IFT140: variants seen among roughly 807,000 people sequenced by gnomAD.
IFT140 encodes intraflagellar transport protein 140 homolog.
In IFT140, 133 loss-of-function variants were observed where a neutral mutation model predicts 164.6. The observed-to-expected ratio is 0.81, with a 90% CI of 0.70 to 0.93. The LOEUF (loss-of-function observed/expected upper bound fraction) is 0.93, where lower values mean the gene tolerates loss of function less well. Among genes scored for constraint, IFT140 ranks in the 40% least tolerant of loss-of-function variants. IFT140 has a pLI of 0.00. For missense variants in IFT140, 2,045 were observed against 1,972.3 expected (o/e 1.04, Z -0.70); for synonymous variants, 860 against 817.3 (o/e 1.05, Z -0.89).
chr16:1,558,120 G>A lies in IFT140; in HGVS notation c.2214C>T (p.Asp738=), dbSNP rs141087126. The change falls in exon 19 of 31, where the codon GAC becomes GAT. Residue 738 remains aspartate, a synonymous_variant. Coordinates refer to ENST00000426508, the MANE Select transcript of IFT140 (RefSeq NM_014714.4). ...YYFTRKPEEA[D]REDEVEPGCH... is the part of the protein sequence containing the mutation. ...ACCCAGGCTCCACCTCGTCTTCTCT[G>A]TCTGCTTCTTCGGGCTAAATGACAA... is the stretch of plus-strand genomic sequence containing the variant. The A allele has an allele frequency of 4.3e-6, 7 of 1,614,022 alleles. No homozygotes were observed. In the African/African-American group the frequency reaches 9.3e-5, roughly 22 times the overall value.
Position 1,510,955 on chromosome 16 carries a change from C to T in IFT140, c.4378G>A (p.Asp1460Asn), listed in dbSNP as rs777181948. 5.4e-5 allele frequency: 87 copies of T among 1,611,610 alleles called. No individual in the cohort carries two copies. Among genetic ancestry groups the T allele is most frequent in the Admixed American group, 6.7e-5 (4 of 59,856 alleles). The part of the protein sequence containing the change: ...LDEEVVEEAD[D>N]DP ...GGGGCCCAGGCCCCTCAGGGGTCGT[C>T]ATCTGCCTCTTCCACCACCTCCTCG... The change falls in exon 31 of 31, where the codon GAC (aspartate) becomes AAC (asparagine). Residue 1460 changes from aspartate to asparagine, a missense_variant. Transcript: ENST00000426508.
chr16:1,570,641 A>G (rs1471088083), intron 14 of IFT140, among the ~76,000 whole-genome samples: 1 of 152,184 alleles, frequency 6.6e-6, no homozygotes, highest in East Asian at 1.9e-4. Flanking sequence ...TCACTCCCAG[A>G]GCCACTTAGG....
intron 13 of IFT140, among the ~76,000 whole-genome samples, chr16:1,575,491 T>A (rs1055267467): frequency 2.6e-5 from 4 of 151,394 alleles, no homozygotes; most frequent in Non-Finnish European, 5.9e-5. Flanking sequence ...AGGTCAAGAC[T>A]GCAGTGAGCT....
rs968971739 is a variant in IFT140 at position 1,531,351 on chromosome 16, G to A, written c.2400-4555C>T. 1.3e-5 allele frequency: 2 copies of A among 152,200 alleles called. No homozygotes were observed. Among genetic ancestry groups the A allele is most frequent in the African/African-American group, 4.8e-5 (2 of 41,394 alleles). 9.4% of individuals were successfully genotyped at this position (152,200 alleles called of 1,614,324 possible). A position where few individuals can be genotyped will look rare whatever the true frequency, so the allele number is the denominator to read the frequency against. On this transcript the variant is annotated intron_variant, in intron 19 of 30. Coordinates refer to ENST00000426508, the MANE Select transcript of IFT140 (RefSeq NM_014714.4). The surrounding 1 kb of genome is among the most constrained non-coding windows in gnomAD (Gnocchi z 4.7). ...AGAAGCTCTGCCGAGACCACTCTGT[G>A]TCAGGATGAGGGTGGCTGGCGAACA...
In IFT140 at chr16:1,525,878, C is replaced by A; in HGVS notation, c.2768+9G>T. Reference sequence around the variant, plus strand: ...GAGGCAGGGAAGAGGCCGCGAGGGCCGCACTCACTAACTGAGGGCCCGGCT... The same window carrying A: ...GAGGCAGGGAAGAGGCCGCGAGGGCAGCACTCACTAACTGAGGGCCCGGCT... On this transcript the variant is annotated intron_variant, in intron 21 of 30. Coordinates refer to ENST00000426508, the MANE Select transcript of IFT140 (RefSeq NM_014714.4). 1.3e-6 allele frequency: 2 copies of A among 1,527,796 alleles called. No homozygotes were observed. 94.6% of individuals were successfully genotyped at this position (1,527,796 alleles called of 1,614,324 possible). A position where few individuals can be genotyped will look rare whatever the true frequency, so the allele number is the denominator to read the frequency against.
chr16:1,580,992 G>A (rs1473889445), intron 12 of IFT140, 142 bp from the exon 13 acceptor site: 1 of 613,604 alleles, frequency 1.6e-6, no homozygotes, highest in South Asian at 1.8e-5. Context: ...GCACCTCGCA[G>A]ATGAAGAAAA....
chr16:1,516,139 CAAAAAAAAAAAAAAAA>C (rs869165237), intron 30 of IFT140, among the ~76,000 whole-genome samples: 13,673 of 45,928 alleles, frequency 0.3, 2,662 homozygotes, highest in African/African-American at 0.43. Flanking sequence ...AACTCTGTCT[CAAAAAAAAAAAAAAAA>C]AAAAAAAAAA....
chr16:1,602,403 G>A lies in IFT140; in HGVS notation c.336C>T (p.Ser112=), dbSNP rs1233337623. The change falls in exon 4 of 31, where the codon AGC becomes AGT. Residue 112 remains serine, a synonymous_variant. Transcript: ENST00000426508. ...HTADITVLRW[S]PSGNCLLSGD... ...CAGACAGCAGGCAGTTTCCACTGGG[G>A]CTCCAACGGAGCACGGTGATGTCGG... 6.2e-7 allele frequency: 1 copy of A among 1,614,212 alleles called. No homozygotes were observed. Among genetic ancestry groups the A allele is most frequent in the Non-Finnish European group, 8.5e-7 (1 of 1,180,036 alleles).
chr16:1,588,415 C>T (rs1050437845), intron 7 of IFT140, among the ~76,000 whole-genome samples: 2 of 151,930 alleles, frequency 1.3e-5, no homozygotes, highest in African/African-American at 4.8e-5. Flanking sequence ...GTCTCAGCTA[C>T]TTGGGAGGCT....
chr16:1,600,267 G>C (rs1376364549), intron 4 of IFT140, among the ~76,000 whole-genome samples: 1 of 145,288 alleles, frequency 6.9e-6, no homozygotes, highest in Admixed American at 6.9e-5. Flanking sequence ...TGCTCGTTAA[G>C]AGTCATCACC....
In IFT140 at chr16:1,609,717, C is replaced by T. The variant is rs1038867234; in HGVS notation, c.-32+947G>A. ...AATTGTTCATAGTTCCTTTCAACGG[C>T]CTCTTAACAAGTTCCCAAAATGAGT... On this transcript the variant is annotated intron_variant, in intron 2 of 30. Transcript: ENST00000426508. Among the ~76,000 whole-genome samples the T allele has an allele frequency of 4.6e-5, 7 of 152,206 alleles. No individual in the cohort carries two copies. The South Asian group carries it at 6.2e-4, about 13-fold the overall frequency.
intron 19 of IFT140, 168 bp downstream of exon 19, chr16:1,557,767 C>G (rs1484324115): frequency 1.4e-6 from 1 of 694,644 alleles, no homozygotes; most frequent in African/African-American, 1.8e-5. Context: ...CACGTGGCAT[C>G]TGCAAGCTGG....
chr16:1,609,535 G>C (rs900006730), intron 2 of IFT140, among the ~76,000 whole-genome samples: 1 of 152,184 alleles, frequency 6.6e-6, no homozygotes, highest in East Asian at 1.9e-4. Flanking sequence ...GAGAGCAGGA[G>C]GCACCCAGTA....
chr16:1,592,184 A>G lies in IFT140; in HGVS notation c.626T>C (p.Leu209Pro), dbSNP rs1275733138. The part of the protein sequence containing the change: ...SHEGLLFFVS[L>P]MDGTVHYVDE... ...CAACCAAAGTTCCTCACCGTCCATCAGACTGACAAAGAACAACAGCCCCTC... is the reference window on the plus strand; with the variant it reads ...CAACCAAAGTTCCTCACCGTCCATCGGACTGACAAAGAACAACAGCCCCTC... Residue 209 changes from leucine to proline, a missense_variant, in exon 6 of 31, where the codon CTG (leucine) becomes CCG (proline). Transcript: ENST00000426508. 6.2e-7 allele frequency: 1 copy of G among 1,614,178 alleles called. No homozygotes were observed. Among genetic ancestry groups the G allele is most frequent in the South Asian group, 1.1e-5 (1 of 91,080 alleles).
Position 1,564,022 on chromosome 16 carries a change from G to T in IFT140, c.2042C>A (p.Pro681His). The change falls in exon 17 of 31, where the codon CCC becomes CAC. Residue 681 changes from proline (P) to histidine (H), a missense_variant. Physicochemically the swap from Pro to His is moderately conservative, Grantham distance 77. Transcript: ENST00000426508. The surrounding 1 kb of genome is among the most constrained non-coding windows in gnomAD (Gnocchi z 5.5). ...RSQPQSANGQ[P>H]QDGRAGPAAD... ...CGCAGGGCCAGCGCGCCCATCTTGG[G>T]GCTGCCCGTTTGCAGACTGAGGCTG... is the stretch of plus-strand genomic sequence containing the variant. 1 of 1,593,444 alleles carries T rather than the reference G, an allele frequency of 6.3e-7. No homozygotes were observed. The highest frequency in any genetic ancestry group is 8.6e-7 in the Non-Finnish European group (1 of 1,164,352).
chr16:1,567,142 C>T (rs2141582451), intron 15 of IFT140, among the ~76,000 whole-genome samples: 1 of 152,320 alleles, frequency 6.6e-6, no homozygotes, highest in South Asian at 2.1e-4. Context: ...TCCTGCCCTA[C>T]CCCTCCGCCA....
In IFT140 at chr16:1,553,990, C is replaced by CGCCAA. The variant is rs2032886798; in HGVS notation, c.2399+3940_2399+3944dup. ...CGACTAACTAGACGGGAACAAGCTG[C>CGCCAA]GCCAACCAAGGGTTGCTCACGGCCC... is the stretch of plus-strand genomic sequence containing the variant. On this transcript the variant is annotated intron_variant, in intron 19 of 30. Transcript: ENST00000426508. This position sits in a 1 kb window ranked among gnomAD's most constrained non-coding sequence, Gnocchi z 4.4. The CGCCAA allele has an allele frequency of 8.5e-6, 11 of 1,287,234 alleles. No individual in the cohort carries two copies. The highest frequency in any genetic ancestry group is 1.1e-5 in the Non-Finnish European group (11 of 988,698). The allele number at this position is 1,287,234 out of a possible 1,614,324, so 79.7% of individuals were successfully genotyped here.
At chr16:1,557,781 G>GC in intron 19 of IFT140, 154 bp downstream of exon 19, 1 of 759,698 alleles carries the variant, frequency 1.3e-6, no homozygotes, top group Non-Finnish European at 2.2e-6. Flanking sequence ...AAGCTGGGCA[G>GC]CATTTCATCG....
intron 30 of IFT140, among the ~76,000 whole-genome samples, chr16:1,517,380 G>C (rs1028823510): frequency 2.0e-5 from 3 of 149,294 alleles, no homozygotes; most frequent in African/African-American, 7.4e-5. Context: ...ACAATAATAA[G>C]AAAACCCAAT....
Sources: allele counts gnomAD v4.1 joint callset (sites outside exome capture counted in the v4.1 genomes callset), GRCh38; gene constraint gnomAD v4.1.1; non-coding constraint Gnocchi (gnomAD v3.1); transcripts MANE v1.5; gene names NCBI Gene and HGNC (gene_info 2026-07-23, HGNC 2026-07-21).